The following CCSER1 variants were observed in gnomAD, a reference collection of about 807,000 sequenced individuals.
CCSER1 encodes the protein coiled-coil serine rich protein 1.
Under a neutral mutation model 82.0 loss-of-function variants are expected in CCSER1, and 41 were observed. That is an observed-to-expected ratio of 0.50 (90% CI 0.39 to 0.65). The LOEUF (loss-of-function observed/expected upper bound fraction) is 0.65, where lower values mean the gene tolerates loss of function less well. CCSER1 is among the 30% of genes least tolerant of loss of function. The pLI is 0.00. For synonymous variants in CCSER1, 414 were observed against 383.9 expected, an observed-to-expected ratio of 1.08 and a Z score of -0.92; for missense variants, 1,119 against 1,064.2, an observed-to-expected ratio of 1.05 and a Z score of -0.72.
intron 9 of CCSER1, among the ~76,000 whole-genome samples, chr4:91,077,892 G>A (rs1340619023): frequency 6.6e-6 from 1 of 152,240 alleles, no homozygotes; most frequent in African/African-American, 2.4e-5. Flanking sequence ...CAGCGAGGCT[G>A]GTGGAGGGGC....
At chr4:90,614,809 A>G (rs539563523) in intron 5 of CCSER1, among the ~76,000 whole-genome samples, 103 of 152,320 alleles carry the variant, frequency 6.8e-4, no homozygotes, top group African/African-American at 2.4e-3. Flanking sequence ...TATCCAGAAA[A>G]TCTCACTGAG....
intron 10 of CCSER1, among the ~76,000 whole-genome samples, chr4:91,440,899 A>G (rs1458124742): frequency 1.3e-5 from 2 of 152,020 alleles, no homozygotes; most frequent in Non-Finnish European, 2.9e-5. Context: ...CGACACATAC[A>G]CCCTCCCAAG....
intron 1 of CCSER1, among the ~76,000 whole-genome samples, chr4:90,145,253 T>TA (rs2153344198): frequency 6.6e-6 from 1 of 152,214 alleles, no homozygotes; most frequent in African/African-American, 2.4e-5. Context: ...ACAAACAAAA[T>TA]ACATCATTTT....
At chr4:90,501,898 A>G (rs1337560186) in intron 5 of CCSER1, among the ~76,000 whole-genome samples, 1 of 152,176 alleles carries the variant, frequency 6.6e-6, no homozygotes, top group African/African-American at 2.4e-5. Context: ...TAAATTTATC[A>G]TCTTTTATCA....
At chr4:90,422,390 C>G (rs2153561414) in intron 4 of CCSER1, among the ~76,000 whole-genome samples, 1 of 152,186 alleles carries the variant, frequency 6.6e-6, no homozygotes, top group East Asian at 1.9e-4. Flanking sequence ...CCTAGGAGTT[C>G]AAGACTAGCC....
intron 10 of CCSER1, among the ~76,000 whole-genome samples, chr4:91,574,778 G>A (rs1024709769): frequency 3.3e-5 from 5 of 151,822 alleles, no homozygotes; most frequent in African/African-American, 1.2e-4. Context: ...AAAACAAACT[G>A]TTTGTTACTA....
At chr4:90,318,158 C>G (rs2153485101) in intron 3 of CCSER1, among the ~76,000 whole-genome samples, 1 of 152,304 alleles carries the variant, frequency 6.6e-6, no homozygotes, top group South Asian at 2.1e-4. Flanking sequence ...GAAAACATCT[C>G]TGTAACTGAA....
At chr4:90,955,648 T>A (rs968810498) in intron 9 of CCSER1, among the ~76,000 whole-genome samples, 5 of 152,170 alleles carry the variant, frequency 3.3e-5, no homozygotes, top group African/African-American at 1.2e-4. Context: ...TCTGATTTAC[T>A]ATTTATATTA....
At chr4:91,528,040 G>C (rs953936002) in intron 10 of CCSER1, among the ~76,000 whole-genome samples, 4 of 151,996 alleles carry the variant, frequency 2.6e-5, no homozygotes, top group African/African-American at 9.7e-5. Flanking sequence ...TCAGCCACCT[G>C]AGTAGCTGGA....
At chr4:90,760,609 G>A (rs866685510) in intron 7 of CCSER1, among the ~76,000 whole-genome samples, 2 of 151,978 alleles carry the variant, frequency 1.3e-5, no homozygotes, top group East Asian at 1.9e-4. Context: ...GACTTTCAAT[G>A]TATGAAAAAT....
At chr4:91,178,328 T>C (rs902152152) in intron 10 of CCSER1, among the ~76,000 whole-genome samples, 3 of 152,114 alleles carry the variant, frequency 2.0e-5, no homozygotes, top group South Asian at 2.1e-4. Context: ...CTATTAGGTC[T>C]GCTTGGTGCA....
At chr4:91,050,875 G>A (rs1042966134) in intron 9 of CCSER1, among the ~76,000 whole-genome samples, 4 of 152,046 alleles carry the variant, frequency 2.6e-5, no homozygotes, top group South Asian at 2.1e-4. Flanking sequence ...TAGCTATCTC[G>A]TTGAAAACAG....
Position 90,578,538 on chromosome 4 carries a change from G to A in CCSER1, c.1725-49487G>A, listed in dbSNP as rs1438655953. Among the ~76,000 whole-genome samples, 32 of 152,092 alleles carry A rather than the reference G, an allele frequency of 2.1e-4. 1 individual carries two copies. The highest frequency in any genetic ancestry group is 7.4e-5 in the Non-Finnish European group (5 of 68,018). On this transcript the variant is annotated intron_variant, in intron 5 of 10. Coordinates refer to ENST00000509176, the MANE Select transcript of CCSER1 (RefSeq NM_001145065.2). ...ACTTTTAAGAGTTATAATTCTCTTAGAGAATAGGCAAAAAATAGGTTCAAA... is the reference window on the plus strand; with the variant it reads ...ACTTTTAAGAGTTATAATTCTCTTAAAGAATAGGCAAAAAATAGGTTCAAA...
chr4:90,983,611 C>G (rs540684173), intron 9 of CCSER1, among the ~76,000 whole-genome samples: 1 of 151,548 alleles, frequency 6.6e-6, no homozygotes, highest in East Asian at 2.0e-4. Flanking sequence ...TGTTTTCAAG[C>G]AAGACTAACA....
At chr4:91,029,306 A>G (rs999736728) in intron 9 of CCSER1, among the ~76,000 whole-genome samples, 7 of 152,010 alleles carry the variant, frequency 4.6e-5, no homozygotes, top group Non-Finnish European at 1.0e-4. Flanking sequence ...ATGAACGTGT[A>G]AAAGATACTT....
intron 3 of CCSER1, among the ~76,000 whole-genome samples, chr4:90,367,752 A>G (rs1746523036): frequency 6.6e-6 from 1 of 151,880 alleles, no homozygotes; most frequent in Admixed American, 6.6e-5. Flanking sequence ...GGTTCCAGAA[A>G]ACAGTCCGGT....
intron 10 of CCSER1, among the ~76,000 whole-genome samples, chr4:91,123,942 C>T (rs1243254477): frequency 2.6e-5 from 4 of 151,568 alleles, no homozygotes; most frequent in African/African-American, 9.7e-5. Flanking sequence ...TTCTGCCATC[C>T]ATTCTTTTGT....
intron 3 of CCSER1, among the ~76,000 whole-genome samples, chr4:90,368,432 T>A (rs1273651764): frequency 6.6e-6 from 1 of 151,850 alleles, no homozygotes; most frequent in African/African-American, 2.4e-5. Context: ...GGCCAGGGAT[T>A]CAAGACCAGC....
chr4:91,211,444 G>T (rs911023901), intron 10 of CCSER1, among the ~76,000 whole-genome samples: 4 of 151,962 alleles, frequency 2.6e-5, no homozygotes, highest in Non-Finnish European at 5.9e-5. Flanking sequence ...TCCTCTTCTG[G>T]TATTACTGCT....
Sources: gnomAD v4.1 joint callset for allele counts (sites outside exome capture counted in the v4.1 genomes callset) on GRCh38, gnomAD v4.1.1 for gene constraint, MANE v1.5 for transcripts, NCBI Gene and HGNC (gene_info 2026-07-23, HGNC 2026-07-21) for gene names.